The following TANC2 variants were observed in gnomAD, a reference collection of about 807,000 sequenced individuals.
TANC2 encodes the protein protein TANC2.
TANC2 carries 26 observed loss-of-function variants against 210.5 expected under a neutral mutation model. The observed-to-expected ratio is 0.12, with a 90% CI of 0.09 to 0.17. TANC2 has a LOEUF of 0.17. TANC2 is among the 10% of genes least tolerant of loss of function. The probability of loss-of-function intolerance (pLI) is 1.00; values close to 1 mark genes in which losing one functional copy is unlikely to be tolerated. For missense variants in TANC2, 2,129 were observed against 2,608.9 expected (o/e 0.82, Z 4.01); for synonymous variants, 931 against 967.1 (o/e 0.96, Z 0.69).
At position 63,412,495 on chromosome 17, in the gene TANC2, C is replaced by T. The variant is rs534781163; in HGVS notation, c.3899-185C>T. On this transcript the variant is annotated intron_variant, in intron 23 of 27. Coordinates refer to ENST00000689528, the Ensembl canonical transcript of TANC2. The surrounding 1 kb of genome is among the most constrained non-coding windows in gnomAD (Gnocchi z 4.2). ...CCTTGCTCTGAATGTGCTTCAGACTCAAGTCCCTGCTGCCGCTGTCCCAGC... is the reference window on the plus strand; with the variant it reads ...CCTTGCTCTGAATGTGCTTCAGACTTAAGTCCCTGCTGCCGCTGTCCCAGC... Among the ~76,000 whole-genome samples, 1 of 152,304 alleles carries T rather than the reference C, an allele frequency of 6.6e-6. No individual in the cohort carries two copies. The highest frequency in any genetic ancestry group is 6.5e-5 in the Admixed American group (1 of 15,298).
intron 5 of TANC2, among the ~76,000 whole-genome samples, chr17:63,169,565 G>A (rs144786707): frequency 1.1e-3 from 175 of 152,178 alleles, no homozygotes; most frequent in African/African-American, 4.2e-3. Flanking sequence ...GGTGGCTCAT[G>A]CCTGTAATCC....
At chr17:63,161,834 G>A (rs1473766178) in intron 5 of TANC2, among the ~76,000 whole-genome samples, 1 of 152,134 alleles carries the variant, frequency 6.6e-6, no homozygotes, top group Non-Finnish European at 1.5e-5. Flanking sequence ...AGGTGCTCAT[G>A]CTGTCCCAGT....
At chr17:63,351,753 C>A (rs75735744) in intron 13 of TANC2, among the ~76,000 whole-genome samples, 15 of 152,052 alleles carry the variant, frequency 9.9e-5, no homozygotes, top group African/African-American at 3.6e-4. Flanking sequence ...ATTTTTTGAT[C>A]ATTTAATGCT....
At chr17:63,422,220 G>A in exon 28 of TANC2, 1 of 409,298 alleles carries the variant, frequency 2.4e-6, no homozygotes, top group East Asian at 4.6e-5. Flanking sequence ...TTCGTGCTGT[G>A]TGCTTTAACC....
intron 2 of TANC2, among the ~76,000 whole-genome samples, chr17:63,051,158 A>G (rs573676335): frequency 2.6e-5 from 4 of 152,216 alleles, no homozygotes; most frequent in African/African-American, 4.8e-5. Flanking sequence ...ATTGATCATC[A>G]TGAATAATAT....
chr17:63,021,170 G>T (rs115675415), intron 2 of TANC2, among the ~76,000 whole-genome samples: 4 of 152,010 alleles, frequency 2.6e-5, no homozygotes, highest in Non-Finnish European at 5.9e-5. Context: ...TTTTTATTGC[G>T]CTCTGAATAA....
chr17:63,361,534 C>T (rs2046957289), intron 14 of TANC2, among the ~76,000 whole-genome samples: 1 of 152,226 alleles, frequency 6.6e-6, no homozygotes, highest in African/African-American at 2.4e-5. Flanking sequence ...CCACTGCAGG[C>T]AACCACGTCT....
At chr17:63,011,104 A>G (rs1166068798) in intron 2 of TANC2, among the ~76,000 whole-genome samples, 3 of 152,100 alleles carry the variant, frequency 2.0e-5, no homozygotes, top group Non-Finnish European at 4.4e-5. Context: ...AGGAGCCCCC[A>G]GGTACCTATC....
At chr17:63,366,124 A>G (rs1414922988) in intron 14 of TANC2, among the ~76,000 whole-genome samples, 2 of 152,112 alleles carry the variant, frequency 1.3e-5, no homozygotes, top group African/African-American at 4.8e-5. Context: ...TTAAGCTAGC[A>G]ACTTCAAATA....
In TANC2 at chr17:63,426,121, G is replaced by GC. The variant is rs1213932050; in HGVS notation, c.*4169dup. 3.3e-5 allele frequency: 5 copies of GC among 152,440 alleles called. 1 individual carries two copies. In the South Asian group the frequency reaches 1.0e-3, roughly 32 times the overall value. 9.4% of individuals were successfully genotyped at this position (152,440 alleles called of 1,614,324 possible). A position where few individuals can be genotyped will look rare whatever the true frequency, so the allele number is the denominator to read the frequency against. ...CACCCTGCCTGTCTGTTCCTGGGCT[G>GC]CCCATTTCTCAAGAAACCGACCTGC... On this transcript the variant is annotated 3_prime_UTR_variant, in exon 28 of 28. Coordinates refer to ENST00000689528, the Ensembl canonical transcript of TANC2.
intron 1 of TANC2, among the ~76,000 whole-genome samples, chr17:62,993,167 A>C (rs187797149): frequency 6.6e-6 from 1 of 152,324 alleles, no homozygotes; most frequent in African/African-American, 2.4e-5. Context: ...TAAGGTCCTC[A>C]ACTTAATCAC....
chr17:63,117,636 G>T (rs2038303843), intron 4 of TANC2, among the ~76,000 whole-genome samples: 1 of 152,228 alleles, frequency 6.6e-6, no homozygotes, highest in East Asian at 1.9e-4. Flanking sequence ...GCTGGCTGGA[G>T]ATTAAAGTGT....
intron 7 of TANC2, among the ~76,000 whole-genome samples, chr17:63,227,505 G>T (rs1029152904): frequency 1.2e-4 from 19 of 152,080 alleles, no homozygotes; most frequent in Non-Finnish European, 2.5e-4. Flanking sequence ...CTGGACATTA[G>T]ATCTTTTTTC....
intron 6 of TANC2, among the ~76,000 whole-genome samples, 200 bp downstream of exon 6, chr17:63,194,339 A>T (rs2145751197): frequency 6.6e-6 from 1 of 152,330 alleles, no homozygotes; most frequent in East Asian, 1.9e-4. Context: ...TTAGGTTTTG[A>T]TTGATTTAAT....
At chr17:63,132,023 T>G (rs1369983429) in intron 4 of TANC2, among the ~76,000 whole-genome samples, 1 of 152,220 alleles carries the variant, frequency 6.6e-6, no homozygotes, top group Non-Finnish European at 1.5e-5. Flanking sequence ...GTGCCCAATC[T>G]TATAAAAACT....
At chr17:62,994,547 G>A (rs1490489030) in intron 1 of TANC2, among the ~76,000 whole-genome samples, 1 of 152,002 alleles carries the variant, frequency 6.6e-6, no homozygotes, top group Non-Finnish European at 1.5e-5. Flanking sequence ...AGTATGTTGA[G>A]TATTTCTTTT....
At chr17:63,051,000 T>G (rs2035562649) in intron 2 of TANC2, among the ~76,000 whole-genome samples, 1 of 152,238 alleles carries the variant, frequency 6.6e-6, no homozygotes, top group South Asian at 2.1e-4. Context: ...CTTATGGCAG[T>G]GATCTCTTTA....
chr17:63,286,924 T>G (rs759818909), intron 9 of TANC2, among the ~76,000 whole-genome samples: 1 of 152,058 alleles, frequency 6.6e-6, no homozygotes. Context: ...GTGTGTTTGT[T>G]TGTTTGTTAG....
chr17:63,155,036 T>C (rs572502314), intron 5 of TANC2: 1 of 152,168 alleles, frequency 6.6e-6, no homozygotes, highest in Non-Finnish European at 1.5e-5. Context: ...TGTGAGATAA[T>C]ATTAGTTAGC....
Sources: allele counts gnomAD v4.1 joint callset (sites outside exome capture counted in the v4.1 genomes callset), GRCh38; gene constraint gnomAD v4.1.1; non-coding constraint Gnocchi (gnomAD v3.1); transcripts MANE v1.5; gene names NCBI Gene and HGNC (gene_info 2026-07-23, HGNC 2026-07-21).